Variants in CDH13 observed in about 807,000 individuals in gnomAD.
The protein encoded by CDH13 is cadherin 13, also known as cadherin-13.
CDH13 carries 24 observed loss-of-function variants against 63.8 expected under a neutral mutation model. That is an observed-to-expected ratio of 0.38 (90% confidence interval 0.27 to 0.53). CDH13 has a LOEUF of 0.53. Ranked by LOEUF, CDH13 falls within the 20% of genes least tolerant of loss-of-function variation. The pLI, the probability that CDH13 is intolerant of heterozygous loss-of-function variation, is 0.85. For synonymous variants in CDH13, 503 were observed against 355.3 expected, an observed-to-expected ratio of 1.42 and a Z score of -4.67; for missense variants, 1,049 against 903.1, an observed-to-expected ratio of 1.16 and a Z score of -2.07.
At chr16:83,344,296 G>C (rs576145996) in intron 5 of CDH13, among the ~76,000 whole-genome samples, 2 of 152,302 alleles carry the variant, frequency 1.3e-5, no homozygotes, top group South Asian at 2.1e-4. Context: ...GTGATTCATG[G>C]TGTTGTGAAA....
intron 6 of CDH13, among the ~76,000 whole-genome samples, chr16:83,469,626 G>T (rs1344916216): frequency 2.6e-5 from 4 of 152,178 alleles, no homozygotes; most frequent in Non-Finnish European, 4.4e-5. Context: ...CTGTGTGTAA[G>T]CATCTCTGTC....
chr16:82,740,176 A>T (rs1167419811), intron 1 of CDH13, among the ~76,000 whole-genome samples: 2 of 152,214 alleles, frequency 1.3e-5, no homozygotes, highest in Admixed American at 6.5e-5. Context: ...GACTGAGCTC[A>T]TATCTGTCTA....
chr16:83,602,018 G>A (rs1432929761), intron 7 of CDH13, among the ~76,000 whole-genome samples: 16 of 145,642 alleles, frequency 1.1e-4, no homozygotes, highest in East Asian at 6.2e-4. Flanking sequence ...GCTGGAACCC[G>A]GGAGGCGGAG....
At chr16:83,396,440 G>A (rs2091888033) in intron 6 of CDH13, among the ~76,000 whole-genome samples, 1 of 152,184 alleles carries the variant, frequency 6.6e-6, no homozygotes, top group African/African-American at 2.4e-5. Context: ...AGATTTGGAA[G>A]GCAGCCAGGA....
chr16:83,000,687 C>T (rs1188820652), intron 2 of CDH13, among the ~76,000 whole-genome samples: 2 of 150,026 alleles, frequency 1.3e-5, no homozygotes, highest in Non-Finnish European at 3.0e-5. Context: ...TCACGCCATT[C>T]TCCTGCCTCA....
rs112392698 is a variant in CDH13 at position 83,676,959 on chromosome 16, T to G, written c.1285-1249T>G. ...CCATGTCCACTGCAACCTCTACAAC[T>G]GTTGTTGCTTACTTTTAGTTGAGTG... On this transcript the variant is annotated intron_variant, in intron 9 of 13. Transcript: ENST00000567109. Among the ~76,000 whole-genome samples, 161 of 152,346 alleles carry G rather than the reference T, an allele frequency of 1.1e-3. 1 individual carries two copies. The highest frequency in any genetic ancestry group is 2.5e-3 in the Admixed American group (38 of 15,308).
chr16:82,627,774 G>C (rs541544010), intron 1 of CDH13, among the ~76,000 whole-genome samples: 96 of 152,274 alleles, frequency 6.3e-4, no homozygotes, highest in African/African-American at 2.2e-3. Flanking sequence ...TTTGCTCCCA[G>C]ACCCCGGGCC....
chr16:83,058,388 C>G (rs1251008209), intron 3 of CDH13, among the ~76,000 whole-genome samples: 4 of 152,176 alleles, frequency 2.6e-5, no homozygotes, highest in Admixed American at 1.3e-4. Flanking sequence ...AGTGTTTGTT[C>G]TTCTCTGGCG....
intron 7 of CDH13, among the ~76,000 whole-genome samples, chr16:83,531,537 C>G (rs1395973492): frequency 6.6e-6 from 1 of 152,210 alleles, no homozygotes; most frequent in Admixed American, 6.5e-5. Context: ...CCATGTGAGA[C>G]ATGCCTTTCA....
chr16:82,782,088 T>C (rs2035780610), intron 1 of CDH13, among the ~76,000 whole-genome samples: 1 of 152,192 alleles, frequency 6.6e-6, no homozygotes, highest in African/African-American at 2.4e-5. Flanking sequence ...CCTCCTAAAG[T>C]GCCCATTTGT....
intron 6 of CDH13, among the ~76,000 whole-genome samples, chr16:83,361,156 G>A (rs1180844884): frequency 6.6e-6 from 1 of 152,122 alleles, no homozygotes; most frequent in Non-Finnish European, 1.5e-5. Context: ...GTGTCTCATT[G>A]TGGTTTCAGT....
chr16:83,732,099 T>C (rs1026729063), intron 10 of CDH13, among the ~76,000 whole-genome samples: 1 of 152,194 alleles, frequency 6.6e-6, no homozygotes, highest in African/African-American at 2.4e-5. Flanking sequence ...GCCCTGAGGA[T>C]AGCAGTGAAC....
chr16:82,713,821 CA>C (rs1230170089), intron 1 of CDH13, among the ~76,000 whole-genome samples: 7 of 141,122 alleles, frequency 5.0e-5, no homozygotes, highest in African/African-American at 1.3e-4. Context: ...AAAAAACAAA[CA>C]AAAAAAAAGG....
At chr16:83,780,502 C>A (rs1318771966) in intron 12 of CDH13, among the ~76,000 whole-genome samples, 4 of 152,132 alleles carry the variant, frequency 2.6e-5, no homozygotes, top group Non-Finnish European at 5.9e-5. Flanking sequence ...AGTATAACTC[C>A]AATATTCTAT....
At chr16:83,582,650 C>G (rs1361245031) in intron 7 of CDH13, among the ~76,000 whole-genome samples, 7 of 152,130 alleles carry the variant, frequency 4.6e-5, no homozygotes, top group African/African-American at 1.4e-4. Flanking sequence ...CATTCACTTC[C>G]CAGCCGTGGG....
At chr16:83,457,168 C>T (rs1043825707) in intron 6 of CDH13, among the ~76,000 whole-genome samples, 2 of 152,154 alleles carry the variant, frequency 1.3e-5, no homozygotes, top group Non-Finnish European at 2.9e-5. Flanking sequence ...TGGCGAGCTC[C>T]GCAGTTCCTT....
At chr16:82,649,746 G>T (rs1199743001) in intron 1 of CDH13, among the ~76,000 whole-genome samples, 1 of 152,142 alleles carries the variant, frequency 6.6e-6, no homozygotes, top group African/African-American at 2.4e-5. Context: ...GGAAAGGAAA[G>T]AAATTACTGG....
At position 83,231,850 on chromosome 16, in the gene CDH13, T is replaced by C. The variant is rs1379995731; in HGVS notation, c.636+14353T>C. The stretch of plus-strand genomic sequence containing the variant: ...GGAGGTGGGGCCTGGTGGGAGGTGA[T>C]TGAATCATGGGGGTGGACCCCTCCT... On this transcript the variant is annotated intron_variant, in intron 5 of 13. Coordinates refer to ENST00000567109, the MANE Select transcript of CDH13 (RefSeq NM_001257.5). 3.9e-5 allele frequency among the ~76,000 whole-genome samples: 6 copies of C among 152,144 alleles called. No individual in the cohort carries two copies. The East Asian group carries it at 5.8e-4, about 15-fold the overall frequency.
At chr16:82,792,556 C>T (rs7193817) in intron 1 of CDH13, among the ~76,000 whole-genome samples, 4 of 152,048 alleles carry the variant, frequency 2.6e-5, no homozygotes, top group Admixed American at 6.6e-5. Context: ...GGTTTAGTTG[C>T]CCCTCTAGAC....
Sources: gnomAD v4.1 joint callset for allele counts (sites outside exome capture counted in the v4.1 genomes callset) on GRCh38, gnomAD v4.1.1 for gene constraint, MANE v1.5 for transcripts, NCBI Gene and HGNC (gene_info 2026-07-23, HGNC 2026-07-21) for gene names.